Variants in XRN1 observed in about 807,000 individuals in gnomAD.
XRN1 encodes the protein 5'-3' exoribonuclease 1, also known as strand-exchange protein 1 homolog.
A neutral mutation model predicts 222.3 loss-of-function variants in XRN1; 67 were observed. The ratio of observed to expected loss-of-function variants is 0.30; its 90% confidence interval spans 0.25 to 0.37. The LOEUF is 0.37. XRN1 is among the 10% of genes least tolerant of loss of function. The probability of loss-of-function intolerance (pLI) is 1.00; values close to 1 mark genes in which losing one functional copy is unlikely to be tolerated. For missense variants in XRN1, 1,707 were observed against 2,000.2 expected (o/e 0.85, Z 2.80); for synonymous variants, 643 against 652.4 (o/e 0.99, Z 0.22).
intron 26 of XRN1, among the ~76,000 whole-genome samples, chr3:142,370,974 CA>C (rs535791408): frequency 4.4e-4 from 64 of 145,256 alleles, no homozygotes; most frequent in Admixed American, 6.2e-4. Context: ...GCCTAGGAGT[CA>C]AAAAAAAAAA....
rs184129255 is a variant in XRN1 at position 142,381,517 on chromosome 3, C to T, written c.2617-1337G>A. Among the ~76,000 whole-genome samples, 652 of 150,696 alleles carry T rather than the reference C, an allele frequency of 4.3e-3. 5 individuals are homozygous for T. Among genetic ancestry groups the T allele is most frequent in the Non-Finnish European group, 5.7e-3 (383 of 67,720 alleles). ...TAGCATCCTTTAATCTAAAATGTATCCACTGCCTTTTTTTGTTTTTATAAC... is the reference window on the plus strand; with the variant it reads ...TAGCATCCTTTAATCTAAAATGTATTCACTGCCTTTTTTTGTTTTTATAAC... On this transcript the variant is annotated intron_variant, in intron 22 of 40. Coordinates refer to ENST00000392981, the MANE Select transcript of XRN1 (RefSeq NM_001282857.2).
rs757383063 is a variant in XRN1 at position 142,311,700 on chromosome 3, T to G, written c.4896A>C (p.Val1632=). The G allele has an allele frequency of 4.3e-6, 7 of 1,614,190 alleles. No individual in the cohort carries two copies. The highest frequency in any genetic ancestry group is 3.3e-5 in the South Asian group (3 of 91,084). The change falls in exon 41 of 41, where the codon GTA becomes GTC. Residue 1632 remains valine, a synonymous_variant. Transcript: ENST00000392981. ...SQPDSSNIVK[V]SPRESSSASL... ...AAGCTGATGAGCTCTCCCGTGGACT[T>G]ACTTTGACAATGTTGGAAGAATCTG...
At chr3:142,370,656 A>C in intron 26 of XRN1, 36 bp from the exon 27 acceptor site, 1 of 1,533,496 alleles carries the variant, frequency 6.5e-7, no homozygotes, top group African/African-American at 1.4e-5. Context: ...AATTTGATTA[A>C]AACTTTCTCA....
chr3:142,435,751 T>A (rs1238208694), intron 1 of XRN1, among the ~76,000 whole-genome samples: 5 of 75,800 alleles, frequency 6.6e-5, no homozygotes, highest in African/African-American at 2.6e-4. Flanking sequence ...AGTGAAACTG[T>A]CCCCACCCCC....
At chr3:142,403,629 T>C in intron 18 of XRN1, 45 bp downstream of exon 18, 1 of 1,552,170 alleles carries the variant, frequency 6.4e-7, no homozygotes, top group South Asian at 1.1e-5. Context: ...TACAGTTTAA[T>C]ACATTATAGG....
At chr3:142,404,556 A>G (rs898650058) in intron 16 of XRN1, among the ~76,000 whole-genome samples, 3 of 152,202 alleles carry the variant, frequency 2.0e-5, no homozygotes, top group African/African-American at 7.2e-5. Context: ...CAGCGTATCA[A>G]ATAATGCTGG....
intron 5 of XRN1, among the ~76,000 whole-genome samples, chr3:142,424,865 C>CAA (rs10662291): frequency 0.89 from 135,056 of 151,822 alleles, 60,339 homozygotes; most frequent in African/African-American, 0.97. Context: ...AAGTTAATGC[C>CAA]AAAAAGTCTA....
intron 20 of XRN1, among the ~76,000 whole-genome samples, chr3:142,395,300 G>A (rs149892130): frequency 6.6e-6 from 1 of 152,282 alleles, no homozygotes; most frequent in African/African-American, 2.4e-5. Flanking sequence ...AGAAAATGGT[G>A]ACCAGAATAA....
intron 32 of XRN1, among the ~76,000 whole-genome samples, chr3:142,349,325 T>C (rs2066241187): frequency 6.6e-6 from 1 of 152,100 alleles, no homozygotes; most frequent in South Asian, 2.1e-4. Flanking sequence ...GGTGGGGCTT[T>C]GGACTACAGC....
At position 142,433,955 on chromosome 3, in the gene XRN1, C is replaced by T. The variant is rs555664270; in HGVS notation, c.76-1062G>A. 1.6e-4 allele frequency among the ~76,000 whole-genome samples: 24 copies of T among 152,130 alleles called. 1 individual carries two copies. The highest frequency in any genetic ancestry group is 5.5e-4 in the African/African-American group (23 of 41,492). On this transcript the variant is annotated intron_variant, in intron 1 of 40. Transcript: ENST00000392981. ...ATCAAAACATATTTTTATGAAATAC[C>T]TATTTATATAGTATTGTATGTACAA...
At chr3:142,374,167 T>C (rs1336248021) in intron 25 of XRN1, among the ~76,000 whole-genome samples, 1 of 151,688 alleles carries the variant, frequency 6.6e-6, no homozygotes, top group Non-Finnish European at 1.5e-5. Context: ...TCAGAAAGAG[T>C]GAGGCATGAA....
At chr3:142,312,802 C>T (rs941185409) in intron 39 of XRN1, 44 bp from the exon 40 acceptor site, 1 of 1,550,420 alleles carries the variant, frequency 6.4e-7, no homozygotes, top group Admixed American at 2.0e-5. Flanking sequence ...AAAATGGTAT[C>T]ATCAAAGCTC....
In XRN1 at chr3:142,422,865, C is replaced by A. The variant is rs374782240; in HGVS notation, c.768G>T (p.Glu256Asp). 3.1e-6 allele frequency: 5 copies of A among 1,612,384 alleles called. No homozygotes were observed. The highest frequency in any genetic ancestry group is 1.7e-5 in the Admixed American group (1 of 59,924). The stretch of plus-strand genomic sequence containing the variant: ...ATACTGAAAACTCATAGTCAATATA[C>A]TCTCTCATTAAAGACAAGTGTAGAA... The part of the protein sequence containing the change: ...FHLLHLSLMR[E>D]YIDYEFSVLK... The change falls in exon 7 of 41, where the codon GAG becomes GAT. Residue 256 changes from glutamate (E) to aspartate (D), a missense_variant. Around this residue, in one of 2 missense-constraint regions of XRN1, gnomAD observed 1,234 missense variants for 1,518.2 expected, o/e 0.81. Transcript: ENST00000392981.
At chr3:142,404,381 GTTTAC>G (rs1353210086) in intron 16 of XRN1, among the ~76,000 whole-genome samples, 1 of 152,064 alleles carries the variant, frequency 6.6e-6, no homozygotes, top group Non-Finnish European at 1.5e-5. Context: ...ACTGAGAGAT[GTTTAC>G]TTTATTTGCA....
intron 27 of XRN1, among the ~76,000 whole-genome samples, chr3:142,367,770 T>G (rs2066864868): frequency 6.6e-6 from 1 of 152,070 alleles, no homozygotes; most frequent in African/African-American, 2.4e-5. Context: ...TAACCTCAAG[T>G]GATCCACCCT....
At chr3:142,348,912 T>C (rs1488617119) in intron 32 of XRN1, among the ~76,000 whole-genome samples, 1 of 152,098 alleles carries the variant, frequency 6.6e-6, no homozygotes, top group Non-Finnish European at 1.5e-5. Context: ...AGTGCTGGGA[T>C]TACAGGCATG....
In XRN1 at chr3:142,329,486, C is replaced by T. The variant is rs1309258617; in HGVS notation, c.4352G>A (p.Cys1451Tyr). 6.3e-7 allele frequency: 1 copy of T among 1,594,920 alleles called. No individual in the cohort carries two copies. The highest frequency in any genetic ancestry group is 1.2e-5 in the South Asian group (1 of 86,892). The change falls in exon 37 of 41, where the codon TGT becomes TAT. Residue 1451 changes from cysteine to tyrosine, a missense_variant. Cys to Tyr is a radical substitution (Grantham distance 194). This residue lies in a region of XRN1 where 473 missense variants were observed against 482.0 expected (regional missense o/e 0.98). Transcript: ENST00000392981. ...STPVTELSRI[C>Y]SLVGMPQPDF... The stretch of plus-strand genomic sequence containing the variant: ...AGGTTGTGGCATTCCAACAAGGGAA[C>T]AAATTCGAGAAAGTTCAGTTACTGG...
chr3:142,384,510 G>T lies in XRN1; in HGVS notation c.2502+13C>A, dbSNP rs755496823. The T allele has an allele frequency of 1.2e-5, 19 of 1,603,002 alleles. No individual in the cohort carries two copies. Among genetic ancestry groups the T allele is most frequent in the Non-Finnish European group, 1.4e-5 (17 of 1,175,676 alleles). ...GTATATTAAGACAGAATTGAAACTT[G>T]ATATAGACTTACCTTGACAATAGTT... On this transcript the variant is annotated intron_variant, in intron 21 of 40. Transcript: ENST00000392981.
chr3:142,444,081 G>A (rs752682154), intron 1 of XRN1, among the ~76,000 whole-genome samples: 2 of 152,218 alleles, frequency 1.3e-5, no homozygotes, highest in Admixed American at 6.5e-5. Flanking sequence ...CTAGAGGCTG[G>A]GAAGGGTAGT....
Sources: allele counts gnomAD v4.1 joint callset (sites outside exome capture counted in the v4.1 genomes callset), GRCh38; gene constraint gnomAD v4.1.1; regional missense constraint gnomAD v4.1.1; transcripts MANE v1.5; gene names NCBI Gene and HGNC (gene_info 2026-07-23, HGNC 2026-07-21).